The following ABHD2 variants were observed in gnomAD, a reference collection of about 807,000 sequenced individuals.
ABHD2 encodes abhydrolase domain containing 2, acylglycerol lipase.
Under a neutral mutation model 48.1 loss-of-function variants are expected in ABHD2, and 20 were observed. The observed-to-expected ratio is 0.42, with a 90% CI of 0.29 to 0.60. ABHD2 has a LOEUF of 0.60. Ranked by LOEUF, ABHD2 falls within the 20% of genes least tolerant of loss-of-function variation. The pLI is 0.24. For synonymous variants in ABHD2, 209 were observed against 214.2 expected (o/e 0.98, Z 0.21); for missense variants, 405 against 550.9 (o/e 0.74, Z 2.65).
In ABHD2 at chr15:89,151,624, G is replaced by A; in HGVS notation, c.195-53G>A. ...AAGAGTTTTGCTAAAAGATTTTTCA[G>A]AACGTTGCTCAAGGAATGTAGAGAA... On this transcript the variant is annotated intron_variant, in intron 3 of 10. Coordinates refer to ENST00000352732, the MANE Select transcript of ABHD2 (RefSeq NM_152924.5). This position sits in a 1 kb window ranked among gnomAD's most constrained non-coding sequence, Gnocchi z 4.7. 6.5e-7 allele frequency: 1 copy of A among 1,549,744 alleles called. No homozygotes were observed. The highest frequency in any genetic ancestry group is 8.7e-7 in the Non-Finnish European group (1 of 1,146,126).
rs1009659 is a variant in ABHD2, at chr15:89,184,207, A to G, written c.723-1217A>G. Among the ~76,000 whole-genome samples the G allele has an allele frequency of 0.32, 48,231 of 152,036 alleles. 8,431 individuals are homozygous for G. Among genetic ancestry groups the G allele is most frequent in the Non-Finnish European group, 0.4 (27,091 of 67,964 alleles). On this transcript the variant is annotated intron_variant, in intron 6 of 10. Coordinates refer to ENST00000352732, the MANE Select transcript of ABHD2 (RefSeq NM_152924.5). The surrounding 1 kb of genome is among the most constrained non-coding windows in gnomAD (Gnocchi z 5.1). ...CTACCTCTTATTTTTTAACCACGAC[A>G]TTGTGGGAAATGTTTGTCACTCCAA...
At chr15:89,194,056 A>G (rs1300184817) in intron 10 of ABHD2, among the ~76,000 whole-genome samples, 1 of 152,188 alleles carries the variant, frequency 6.6e-6, no homozygotes, top group Non-Finnish European at 1.5e-5. Flanking sequence ...GTGCCACTGC[A>G]CTCCAGCCTG....
At chr15:89,041,344 C>T in the ABHD2 span, 1 of 152,330 alleles carries the variant, frequency 6.6e-6, no homozygotes, top group East Asian at 1.9e-4. Context: ...AGGTGGTTTG[C>T]AATAGAATGG....
rs2051012731 is a variant in ABHD2 at position 89,176,316 on chromosome 15, G to A, written c.722+321G>A. 6.6e-6 allele frequency among the ~76,000 whole-genome samples: 1 copy of A among 152,122 alleles called. No homozygotes were observed. The highest frequency in any genetic ancestry group is 1.5e-5 in the Non-Finnish European group (1 of 68,028). Reference sequence around the variant, plus strand: ...TGTTCAGGCTTCAGGAGTTTTTATAGAAACGTGGATTAATGAAAGAGCACA... The same window carrying A: ...TGTTCAGGCTTCAGGAGTTTTTATAAAAACGTGGATTAATGAAAGAGCACA... On this transcript the variant is annotated intron_variant, in intron 6 of 10. Transcript: ENST00000352732. This position sits in a 1 kb window ranked among gnomAD's most constrained non-coding sequence, Gnocchi z 4.5.
Position 89,189,453 on chromosome 15 carries a change from A to C in ABHD2, c.926+1150A>C, listed in dbSNP as rs2051268614. Among the ~76,000 whole-genome samples the C allele has an allele frequency of 1.3e-5, 2 of 152,224 alleles. No individual in the cohort carries two copies. ...GATTACAGTGAGCTATGGTCCCAAC[A>C]CTGCACTGGAGCCCAGCCTGGGCAA... On this transcript the variant is annotated intron_variant, in intron 8 of 10. Coordinates refer to ENST00000352732, the MANE Select transcript of ABHD2 (RefSeq NM_152924.5). The surrounding 1 kb of genome is among the most constrained non-coding windows in gnomAD (Gnocchi z 4.9).
the ABHD2 span, among the ~76,000 whole-genome samples, chr15:89,052,520 GAGAC>G: frequency 9.5e-4 from 136 of 142,438 alleles, 2 homozygotes; most frequent in Admixed American, 3.7e-3. Context: ...TTTGGACCCA[GAGAC>G]AGACAGACAG....
chr15:89,149,905 G>A (rs898657638), intron 3 of ABHD2, among the ~76,000 whole-genome samples: 4 of 152,196 alleles, frequency 2.6e-5, no homozygotes, highest in South Asian at 2.1e-4. Flanking sequence ...CTCCATTGGC[G>A]GGTGGATGAT....
rs146494434 is a variant in ABHD2 at position 89,131,062 on chromosome 15, A to G, written c.194+14541A>G. ...CATCAGCTTTCACCTGGAAGAATGC[A>G]ATAGCTTTCCCTCCATTCTCTACCC... On this transcript the variant is annotated intron_variant, in intron 3 of 10. Transcript: ENST00000352732. 1.4e-4 allele frequency among the ~76,000 whole-genome samples: 22 copies of G among 152,280 alleles called. No homozygotes were observed. The East Asian group carries it at 4.2e-3, about 29-fold the overall frequency.
At chr15:89,135,651 C>A (rs2050297071) in intron 3 of ABHD2, 1 of 1,555,926 alleles carries the variant, frequency 6.4e-7, no homozygotes, top group Non-Finnish European at 8.7e-7. Context: ...TGACAACTCC[C>A]TTTTTTTGCT....
chr15:89,084,849 C>G (rs1417098934), upstream of ABHD2, among the ~76,000 whole-genome samples: 1 of 152,194 alleles, frequency 6.6e-6, no homozygotes, highest in Non-Finnish European at 1.5e-5. This position sits in a 1 kb window ranked among gnomAD's most constrained non-coding sequence, Gnocchi z 4.4. Context: ...AAGCACTTCA[C>G]TGTCCTCTGC....
the ABHD2 span, among the ~76,000 whole-genome samples, chr15:89,071,390 C>T: frequency 6.6e-6 from 1 of 152,060 alleles, no homozygotes; most frequent in African/African-American, 2.4e-5. Flanking sequence ...CTTTGCATTC[C>T]AGCCTGGGCA....
chr15:89,132,038 T>C (rs1249004153), intron 3 of ABHD2, among the ~76,000 whole-genome samples: 1 of 151,444 alleles, frequency 6.6e-6, no homozygotes, highest in Non-Finnish European at 1.5e-5. Flanking sequence ...TAAACAGGAG[T>C]TGAAAAACAT....
At chr15:89,123,352 T>G (rs1253095613) in intron 3 of ABHD2, among the ~76,000 whole-genome samples, 2 of 152,220 alleles carry the variant, frequency 1.3e-5, no homozygotes, top group African/African-American at 2.4e-5. Flanking sequence ...TGGAATGCTG[T>G]TCTCATCATA....
intron 1 of ABHD2, among the ~76,000 whole-genome samples, chr15:89,093,007 C>T (rs936131487): frequency 1.3e-5 from 2 of 151,964 alleles, no homozygotes; most frequent in Admixed American, 6.6e-5. Flanking sequence ...GAAGGGAGAG[C>T]TGGGGCACTG....
At chr15:89,075,193 A>T in the ABHD2 span, 1 of 152,190 alleles carries the variant, frequency 6.6e-6, no homozygotes, top group African/African-American at 2.4e-5. This position sits in a 1 kb window ranked among gnomAD's most constrained non-coding sequence, Gnocchi z 4.1. Flanking sequence ...CATGTAAGTA[A>T]GGCAATACCT....
the ABHD2 span, among the ~76,000 whole-genome samples, chr15:89,067,773 C>CAA: frequency 1.3e-5 from 2 of 152,186 alleles, no homozygotes; most frequent in African/African-American, 4.8e-5. Flanking sequence ...CTCTGTGGAG[C>CAA]AAACTCTATT....
intron 1 of ABHD2, among the ~76,000 whole-genome samples, chr15:89,105,155 C>T (rs750555124): frequency 6.6e-6 from 1 of 152,224 alleles, no homozygotes; most frequent in Non-Finnish European, 1.5e-5. Flanking sequence ...TTCGTTCTCT[C>T]ATAGCCAGTA....
intron 3 of ABHD2, among the ~76,000 whole-genome samples, chr15:89,133,533 G>T (rs1596098343): frequency 1.3e-5 from 2 of 152,174 alleles, no homozygotes; most frequent in African/African-American, 2.4e-5. Context: ...TCTACTTTTT[G>T]ATATTTGCCA....
the ABHD2 span, among the ~76,000 whole-genome samples, chr15:89,041,709 C>T: frequency 3.3e-5 from 5 of 152,204 alleles, no homozygotes; most frequent in East Asian, 7.7e-4. Flanking sequence ...AACTCTATTC[C>T]CCTGCTGGGG....
Sources: allele counts gnomAD v4.1 joint callset (sites outside exome capture counted in the v4.1 genomes callset), GRCh38; gene constraint gnomAD v4.1.1; non-coding constraint Gnocchi (gnomAD v3.1); transcripts MANE v1.5; gene names NCBI Gene and HGNC (gene_info 2026-07-23, HGNC 2026-07-21).